Variants in EEA1 observed in about 807,000 individuals in gnomAD.
EEA1 encodes early endosome antigen 1, 162kD.
A neutral mutation model predicts 209.2 loss-of-function variants in EEA1; 111 were observed. The ratio of observed to expected loss-of-function variants is 0.53; its 90% CI spans 0.45 to 0.62. EEA1 has a LOEUF of 0.62. EEA1 is among the 20% of genes least tolerant of loss of function. The pLI is 0.00. For missense variants in EEA1, 1,343 were observed against 1,530.8 expected (o/e 0.88, Z 2.05); for synonymous variants, 536 against 540.6 (o/e 0.99, Z 0.12).
At chr12:92,799,444 T>C (rs1271001951) in intron 20 of EEA1, among the ~76,000 whole-genome samples, 1 of 152,170 alleles carries the variant, frequency 6.6e-6, no homozygotes, top group Non-Finnish European at 1.5e-5. Context: ...TTATGGAAAA[T>C]AGGTATGTCA....
chr12:92,798,419 C>T (rs781762932), intron 21 of EEA1, among the ~76,000 whole-genome samples: 7 of 151,638 alleles, frequency 4.6e-5, no homozygotes, highest in Non-Finnish European at 7.4e-5. Context: ...CAGCTCACTG[C>T]AACCTCTGCC....
At chr12:92,876,590 T>C (rs1269707227) in intron 2 of EEA1, among the ~76,000 whole-genome samples, 1 of 152,112 alleles carries the variant, frequency 6.6e-6, no homozygotes, top group East Asian at 1.9e-4. Flanking sequence ...TCTCATACTC[T>C]AGAACTATGA....
intron 17 of EEA1, 47 bp from the exon 18 acceptor site, chr12:92,809,203 T>C: frequency 7.1e-7 from 1 of 1,409,842 alleles, no homozygotes; most frequent in Non-Finnish European, 9.5e-7. Flanking sequence ...TTAGTAATTA[T>C]CAATCTATTA....
At chr12:92,838,711 T>C (rs181904116) in intron 10 of EEA1, among the ~76,000 whole-genome samples, 23 of 152,246 alleles carry the variant, frequency 1.5e-4, no homozygotes, top group Admixed American at 1.3e-4. Flanking sequence ...TCACTTCGAG[T>C]ATCTAACATA....
chr12:92,817,379 GT>G (rs1185746352), intron 14 of EEA1, among the ~76,000 whole-genome samples: 5 of 148,922 alleles, frequency 3.4e-5, no homozygotes, highest in Admixed American at 6.7e-5. Flanking sequence ...TACCATTTCT[GT>G]TTTTTTTTAA....
chr12:92,802,499 T>C lies in EEA1; in HGVS notation c.2575A>G (p.Lys859Glu). The C allele has an allele frequency of 1.3e-6, 2 of 1,590,932 alleles. No homozygotes were observed. The highest frequency in any genetic ancestry group is 8.5e-7 in the Non-Finnish European group (1 of 1,173,664). ...TCAGAAACTTTTGATAGTTTGTCCTTTACTGTAGAAAGCTCTGTCATTAAA... is the reference window on the plus strand; with the variant it reads ...TCAGAAACTTTTGATAGTTTGTCCTCTACTGTAGAAAGCTCTGTCATTAAA... ...EALMTELSTV[K>E]DKLSKVSDSL... Residue 859 changes from lysine to glutamate, a missense_variant, in exon 19 of 29, where the codon AAG (lysine) becomes GAG (glutamate). Lys to Glu is a moderately conservative substitution (Grantham distance 56). Transcript: ENST00000322349.
intron 14 of EEA1, among the ~76,000 whole-genome samples, chr12:92,818,040 T>C (rs747005534): frequency 3.9e-5 from 6 of 152,194 alleles, no homozygotes; most frequent in Non-Finnish European, 5.9e-5. Flanking sequence ...ATTGGCCTCA[T>C]AGAATCCCAC....
At chr12:92,787,779 T>C in intron 22 of EEA1, 88 bp downstream of exon 22, 2 of 1,067,672 alleles carry the variant, frequency 1.9e-6, no homozygotes, top group Non-Finnish European at 2.5e-6. Context: ...ATACTAACAT[T>C]TCCTTGCCCA....
intron 18 of EEA1, among the ~76,000 whole-genome samples, chr12:92,802,993 T>G (rs1875001478): frequency 1.3e-5 from 2 of 152,060 alleles, no homozygotes; most frequent in Admixed American, 1.3e-4. Flanking sequence ...CTTCCTGACT[T>G]AATCCATTTT....
intron 1 of EEA1, among the ~76,000 whole-genome samples, chr12:92,897,257 C>G (rs2136760907): frequency 6.6e-6 from 1 of 152,354 alleles, no homozygotes; most frequent in Middle Eastern, 3.4e-3. Flanking sequence ...CACAACAAAT[C>G]AGACTGATTG....
At chr12:92,865,206 C>T (rs528515144) in intron 2 of EEA1, among the ~76,000 whole-genome samples, 1 of 152,110 alleles carries the variant, frequency 6.6e-6, no homozygotes, top group East Asian at 1.9e-4. Flanking sequence ...CCCTTGCAAC[C>T]ATCTTTTATT....
At chr12:92,903,819 A>C (rs1475506093) in intron 1 of EEA1, among the ~76,000 whole-genome samples, 1 of 152,174 alleles carries the variant, frequency 6.6e-6, no homozygotes, top group East Asian at 1.9e-4. Flanking sequence ...AATGAGTTTT[A>C]TGTTAGGATG....
In EEA1 at chr12:92,826,310, T is replaced by A. The variant is rs140182292; in HGVS notation, c.1405-25A>T. Reference sequence around the variant, plus strand: ...ACTTAAAAAAATGTAGATTGTCAATTGAGAACTTAAAGGCATAATGCTATC... The same window carrying A: ...ACTTAAAAAAATGTAGATTGTCAATAGAGAACTTAAAGGCATAATGCTATC... On this transcript the variant is annotated intron_variant, in intron 12 of 28. Transcript: ENST00000322349. 231 of 1,599,374 alleles carry A rather than the reference T, an allele frequency of 1.4e-4. No homozygotes were observed. The East Asian group carries it at 4.5e-3, about 31-fold the overall frequency.
chr12:92,910,462 C>G (rs1411757532), intron 1 of EEA1, among the ~76,000 whole-genome samples: 1 of 151,334 alleles, frequency 6.6e-6, no homozygotes, highest in African/African-American at 2.4e-5. Flanking sequence ...GAGCAAGACT[C>G]CATCTCAAAA....
At chr12:92,800,818 T>C (rs975440027) in intron 20 of EEA1, among the ~76,000 whole-genome samples, 1 of 152,248 alleles carries the variant, frequency 6.6e-6, no homozygotes, top group Middle Eastern at 3.2e-3. Flanking sequence ...ATAGCCAGGA[T>C]ATAAATTTGA....
At chr12:92,929,001 T>A in intron 1 of EEA1, 42 bp downstream of exon 1, 1 of 1,570,856 alleles carries the variant, frequency 6.4e-7, no homozygotes, top group Non-Finnish European at 8.6e-7. Context: ...GCTCCGGCTG[T>A]CCCGCTCACG....
chr12:92,771,559 G>A lies in EEA1; in HGVS notation c.*4452C>T, dbSNP rs1328361187. 6.6e-6 allele frequency: 1 copy of A among 151,978 alleles called. No individual in the cohort carries two copies. Among genetic ancestry groups the A allele is most frequent in the Non-Finnish European group, 1.5e-5 (1 of 67,916 alleles). The allele number at this position is 151,978 out of a possible 1,614,324, so 9.4% of individuals were successfully genotyped here. On this transcript the variant is annotated 3_prime_UTR_variant, in exon 29 of 29. Coordinates refer to ENST00000322349, the MANE Select transcript of EEA1 (RefSeq NM_003566.4). ...ATAAATGAGGTGGAGGGGAGAAAAA[G>A]GGGAGAATAGACTTCAAGCTTCAAG...
At chr12:92,777,834 G>A (rs1469476284) in intron 26 of EEA1, 107 bp downstream of exon 26, 3 of 1,272,904 alleles carry the variant, frequency 2.4e-6, no homozygotes, top group African/African-American at 1.5e-5. Context: ...ACCTATAGAG[G>A]CTTATGCACT....
intron 21 of EEA1, among the ~76,000 whole-genome samples, chr12:92,797,211 C>T (rs1006150794): frequency 1.3e-5 from 2 of 152,164 alleles, no homozygotes; most frequent in African/African-American, 4.8e-5. Context: ...CCTCAGCCTT[C>T]GGAGTAGCTG....
Sources: allele counts gnomAD v4.1 joint callset (sites outside exome capture counted in the v4.1 genomes callset), GRCh38; gene constraint gnomAD v4.1.1; transcripts MANE v1.5; gene names NCBI Gene and HGNC (gene_info 2026-07-23, HGNC 2026-07-21).